The following TBC1D10A variants were observed in gnomAD, a reference collection of about 807,000 sequenced individuals.
TBC1D10A encodes the protein TBC1 domain family member 10A, also known as EBP50-PDX interactor of 64 kDa.
TBC1D10A carries 24 observed loss-of-function variants against 52.9 expected under a neutral mutation model. That is an observed-to-expected ratio of 0.45 (90% CI 0.33 to 0.64). The LOEUF is 0.64. Among genes scored for constraint, TBC1D10A ranks in the 30% least tolerant of loss-of-function variants. The pLI, the probability that TBC1D10A is intolerant of heterozygous loss-of-function variation, is 0.02. For missense variants in TBC1D10A, 602 were observed against 687.9 expected, an observed-to-expected ratio of 0.88 and a Z score of 1.40; for synonymous variants, 278 against 282.9, an observed-to-expected ratio of 0.98 and a Z score of 0.17.
Position 30,294,952 on chromosome 22 carries a change from T to A in TBC1D10A, c.628A>T (p.Met210Leu), listed in dbSNP as rs1569158968. Residue 210 changes from methionine to leucine, a missense_variant, in exon 5 of 9, where the codon ATG (methionine) becomes TTG (leucine). Met to Leu is a conservative substitution (Grantham distance 15). Around this residue, in one of 3 missense-constraint regions of TBC1D10A, gnomAD observed 136 missense variants for 208.4 expected, o/e 0.65. Transcript: ENST00000215790. ...GGGCCTGGTGGTACCTCAGCAGGCA[T>A]ATGCATGAGCAAGACAGCGGCAATG... ...APIAAVLLMH[M>L]PAEQAFWCLV... 1 of 1,613,974 alleles carries A rather than the reference T, an allele frequency of 6.2e-7. No individual in the cohort carries two copies. The highest frequency in any genetic ancestry group is 8.5e-7 in the Non-Finnish European group (1 of 1,180,008).
At chr22:30,293,398 C>T (rs571297467) in intron 8 of TBC1D10A, 7 of 710,270 alleles carry the variant, frequency 9.9e-6, no homozygotes, top group African/African-American at 5.2e-5. Flanking sequence ...GGGAGGAAGA[C>T]GGGGCCGTGG....
intron 1 of TBC1D10A, chr22:30,305,435 A>G (rs548125135): frequency 1.3e-5 from 2 of 152,398 alleles, no homozygotes; most frequent in South Asian, 4.1e-4. Context: ...TAAGGTATTA[A>G]TGACAGACAA....
At chr22:30,324,861 T>C (rs1290820021) in intron 1 of TBC1D10A, among the ~76,000 whole-genome samples, 1 of 152,166 alleles carries the variant, frequency 6.6e-6, no homozygotes, top group African/African-American at 2.4e-5. Context: ...ATTCCTAAGT[T>C]TGGCCTTTTC....
At chr22:30,295,087 C>T (rs761516702) in intron 4 of TBC1D10A, 32 bp from the exon 5 acceptor site, 10 of 1,606,604 alleles carry the variant, frequency 6.2e-6, no homozygotes, top group South Asian at 2.2e-5. Flanking sequence ...CAGTGATGAC[C>T]GGGGTGACTC....
intron 1 of TBC1D10A, among the ~76,000 whole-genome samples, chr22:30,321,955 T>C (rs1930661420): frequency 1.3e-5 from 2 of 151,020 alleles, no homozygotes; most frequent in East Asian, 1.9e-4. Flanking sequence ...GCTGAAAACA[T>C]CTTTTTCCTC....
chr22:30,318,185 G>A (rs2145783472), intron 1 of TBC1D10A, among the ~76,000 whole-genome samples: 1 of 152,292 alleles, frequency 6.6e-6, no homozygotes, highest in South Asian at 2.1e-4. Flanking sequence ...AAAGGTGCTA[G>A]GTGAGGTCAA....
Position 30,295,017 on chromosome 22 carries a change from A to C in TBC1D10A, c.563T>G (p.Leu188Arg). ...DLFRVLKAYT[L>R]YRPEEGYCQA... ...GCAGTAGCCCTCCTCGGGCCGGTACAGCGTGTAGGCCTTCAGCACACGGAA... is the reference window on the plus strand; with the variant it reads ...GCAGTAGCCCTCCTCGGGCCGGTACCGCGTGTAGGCCTTCAGCACACGGAA... Residue 188 changes from leucine to arginine, a missense_variant, in exon 5 of 9, where the codon CTG becomes CGG. Physicochemically the swap from Leu to Arg is moderately radical, Grantham distance 102. This residue lies in a region of TBC1D10A where 136 missense variants were observed against 208.4 expected (regional missense o/e 0.65). Coordinates refer to ENST00000215790, the MANE Select transcript of TBC1D10A (RefSeq NM_031937.3). 3 of 1,614,058 alleles carry C rather than the reference A, an allele frequency of 1.9e-6. No individual in the cohort carries two copies. The South Asian group carries it at 3.3e-5, about 18-fold the overall frequency.
intron 1 of TBC1D10A, chr22:30,318,536 C>T (rs969103802): frequency 3.1e-5 from 14 of 456,680 alleles, no homozygotes; most frequent in African/African-American, 2.8e-4. Context: ...CGCAGAGTCA[C>T]AGCAGCCCAC....
chr22:30,293,096 C>T (rs1929987523), intron 8 of TBC1D10A: 1 of 620,368 alleles, frequency 1.6e-6, no homozygotes, highest in Non-Finnish European at 2.9e-6. Flanking sequence ...CACGAGTCCA[C>T]CTGCCTGACT....
At chr22:30,301,375 G>A (rs1394107105) in intron 2 of TBC1D10A, among the ~76,000 whole-genome samples, 1 of 152,248 alleles carries the variant, frequency 6.6e-6, no homozygotes, top group Non-Finnish European at 1.5e-5. Flanking sequence ...GGCATGAGAA[G>A]AACATCTGGA....
chr22:30,298,913 T>C (rs1350794953), intron 3 of TBC1D10A: 2 of 152,820 alleles, frequency 1.3e-5, no homozygotes, highest in African/African-American at 2.4e-5. Flanking sequence ...TGGGTTTGGC[T>C]CTGCTACTCC....
At position 30,297,240 on chromosome 22, in the gene TBC1D10A, C is replaced by T. The variant is rs1260919839; in HGVS notation, c.418-1397G>A. 3.9e-5 allele frequency: 6 copies of T among 152,386 alleles called. No individual in the cohort carries two copies. Among genetic ancestry groups the T allele is most frequent in the African/African-American group, 1.2e-4 (5 of 41,464 alleles). The allele number at this position is 152,386 out of a possible 1,614,324, so 9.4% of individuals were successfully genotyped here. A position where few individuals can be genotyped will look rare whatever the true frequency, so the allele number is the denominator to read the frequency against. ...TCCACACAGAGCCCTAGAGCAGGCA[C>T]ATAGCGGAGCGGTGGATGCGTGCCT... On this transcript the variant is annotated intron_variant, in intron 3 of 8. Transcript: ENST00000215790. This position sits in a 1 kb window ranked among gnomAD's most constrained non-coding sequence, Gnocchi z 4.3.
chr22:30,323,843 A>G (rs937137523), intron 1 of TBC1D10A, among the ~76,000 whole-genome samples: 2 of 151,918 alleles, frequency 1.3e-5, no homozygotes, highest in South Asian at 2.1e-4. Flanking sequence ...GATGGGTGCA[A>G]TCTCTGCCTC....
chr22:30,326,841 G>A lies in TBC1D10A; in HGVS notation c.41C>T (p.Ala14Val). 1.4e-6 allele frequency: 2 copies of A among 1,471,872 alleles called. No homozygotes were observed. The highest frequency in any genetic ancestry group is 5.5e-5 in the East Asian group (2 of 36,312). The allele number at this position is 1,471,872 out of a possible 1,614,324, so 91.2% of individuals were successfully genotyped here. A position where few individuals can be genotyped will look rare whatever the true frequency, so the allele number is the denominator to read the frequency against. The part of the protein sequence containing the change: ...SNGENGPRAP[A>V]AGESLSGTRE... ...GGTTCCCGACAGGCTTTCCCCGGCC[G>A]CGGGCGCGCGCGGCCCATTCTCTCC... Residue 14 changes from alanine (A) to valine (V), a missense_variant, in exon 1 of 9, where the codon GCG (alanine) becomes GTG (valine). This residue lies in a region of TBC1D10A where 201 missense variants were observed against 204.4 expected (regional missense o/e 0.98). Coordinates refer to ENST00000215790, the MANE Select transcript of TBC1D10A (RefSeq NM_031937.3).
chr22:30,312,828 T>G (rs912191884), intron 1 of TBC1D10A, among the ~76,000 whole-genome samples: 1 of 152,140 alleles, frequency 6.6e-6, no homozygotes, highest in Non-Finnish European at 1.5e-5. Context: ...TTATATTCCA[T>G]GCACACCTTT....
intron 3 of TBC1D10A, 57 bp from the exon 4 acceptor site, chr22:30,295,900 A>G (rs1930071353): frequency 9.3e-6 from 14 of 1,498,204 alleles, no homozygotes; most frequent in African/African-American, 2.7e-5. Context: ...CTTTGCTGAC[A>G]GGACACGGCT....
chr22:30,293,985 G>A lies in TBC1D10A; in HGVS notation c.831C>T (p.Cys277=), dbSNP rs199643005. 6.3e-5 allele frequency: 101 copies of A among 1,614,024 alleles called. No homozygotes were observed. In the Middle Eastern group the frequency reaches 9.9e-4, roughly 16 times the overall value. Residue 277 remains cysteine (C), a synonymous_variant, in exon 7 of 9, where the codon TGC becomes TGT. Coordinates refer to ENST00000215790, the MANE Select transcript of TBC1D10A (RefSeq NM_031937.3). ...PLLYMTEWFM[C]AFSRTLPWSS... ...TCCAGGGCAAGGTTCGGGAGAAGGCGCACATGAACCATTCTGTCATATAGA... is the reference window on the plus strand; with the variant it reads ...TCCAGGGCAAGGTTCGGGAGAAGGCACACATGAACCATTCTGTCATATAGA...
chr22:30,293,605 C>T, intron 8 of TBC1D10A, 46 bp downstream of exon 8: 2 of 1,575,674 alleles, frequency 1.3e-6, no homozygotes, highest in East Asian at 2.3e-5. Flanking sequence ...AGGACCCCCA[C>T]CTGTCTTCCT....
rs5997604 is a variant in TBC1D10A at position 30,308,316 on chromosome 22, A to C, written c.210-3686T>G. Among the ~76,000 whole-genome samples, 241 of 130,356 alleles carry C rather than the reference A, an allele frequency of 1.8e-3. 3 individuals carry two copies. The highest frequency in any genetic ancestry group is 4.2e-3 in the African/African-American group (143 of 34,436). The allele number at this position is 130,356 out of a possible 152,430, so 85.5% of individuals were successfully genotyped here. A position where few individuals can be genotyped will look rare whatever the true frequency, so the allele number is the denominator to read the frequency against. ...CATGCCTGCATGCCTGCCTGCCTGC[A>C]TGCCTGCATGCCTGCATGCCTGCCT... On this transcript the variant is annotated intron_variant, in intron 1 of 8. Transcript: ENST00000215790.
Sources: gnomAD v4.1 joint callset for allele counts (sites outside exome capture counted in the v4.1 genomes callset) on GRCh38, gnomAD v4.1.1 for gene constraint, gnomAD v4.1.1 regional missense constraint, Gnocchi (gnomAD v3.1) non-coding constraint, MANE v1.5 for transcripts, NCBI Gene and HGNC (gene_info 2026-07-23, HGNC 2026-07-21) for gene names.